The following C14orf132 variants were observed in gnomAD, a reference collection of about 807,000 sequenced individuals.
C14orf132 encodes the protein chromosome 14 open reading frame 132, also known as uncharacterized protein C14orf132.
In C14orf132, 6 loss-of-function variants were observed where a neutral mutation model predicts 5.8. The ratio of observed to expected loss-of-function variants is 1.03; its 90% CI spans 0.57 to 2.04. The LOEUF (loss-of-function observed/expected upper bound fraction) is 2.04, where lower values mean the gene tolerates loss of function less well. C14orf132 is among the 30% of genes most tolerant of loss of function. The pLI is 0.00. For synonymous variants in C14orf132, 51 were observed against 49.8 expected, an observed-to-expected ratio of 1.02 and a Z score of -0.10; for missense variants, 125 against 115.8, an observed-to-expected ratio of 1.08 and a Z score of -0.37.
chr14:96,066,231 G>A lies in C14orf132; in HGVS notation c.28-20280G>A, dbSNP rs901424416. On this transcript the variant is annotated intron_variant, in intron 1 of 1. Transcript: ENST00000555004. ...TCTCACCATGGACCATGGGATGCGC[G>A]TGGAGGACAAGGTCCCCAGGGCCCT... Among the ~76,000 whole-genome samples the A allele has an allele frequency of 1.1e-4, 17 of 152,284 alleles. 1 individual carries two copies. Among genetic ancestry groups the A allele is most frequent in the South Asian group, 6.2e-4 (3 of 4,824 alleles).
intron 1 of C14orf132, among the ~76,000 whole-genome samples, chr14:96,084,121 C>T (rs2139682761): frequency 6.6e-6 from 1 of 152,348 alleles, no homozygotes; most frequent in Non-Finnish European, 1.5e-5. Context: ...GCCCAGAGAG[C>T]TCCATAGGGT....
In C14orf132 at chr14:96,090,941, T is replaced by G; in HGVS notation, c.*4206T>G. 1 of 456,142 alleles carries G rather than the reference T, an allele frequency of 2.2e-6. No individual in the cohort carries two copies. The highest frequency in any genetic ancestry group is 4.4e-6 in the Non-Finnish European group (1 of 226,814). The allele number at this position is 456,142 out of a possible 1,614,324, so 28.3% of individuals were successfully genotyped here. A position where few individuals can be genotyped will look rare whatever the true frequency, so the allele number is the denominator to read the frequency against. On this transcript the variant is annotated 3_prime_UTR_variant, in exon 2 of 2. Transcript: ENST00000555004. ...TCTGCCTTCATTATTAGCAGTAATA[T>G]TATTCCCAGTTATTATTCTTACCGG... is the stretch of plus-strand genomic sequence containing the variant.
intron 1 of C14orf132, among the ~76,000 whole-genome samples, chr14:96,082,965 C>G (rs1336425179): frequency 1.3e-5 from 2 of 152,136 alleles, no homozygotes; most frequent in Non-Finnish European, 1.5e-5. Context: ...AGGATTCAGC[C>G]CCAAGCCTTT....
intron 1 of C14orf132, among the ~76,000 whole-genome samples, chr14:96,055,569 A>G (rs922492131): frequency 3.3e-5 from 5 of 152,184 alleles, no homozygotes; most frequent in African/African-American, 1.2e-4. Flanking sequence ...CCTGCATCTC[A>G]GCTTGGCCAC....
intron 1 of C14orf132, among the ~76,000 whole-genome samples, chr14:96,041,005 A>T (rs1886680798): frequency 6.6e-6 from 1 of 152,188 alleles, no homozygotes; most frequent in East Asian, 1.9e-4. Flanking sequence ...AGTTGCTGCC[A>T]TGGCAACTTG....
intron 1 of C14orf132, among the ~76,000 whole-genome samples, chr14:96,049,490 A>ATATATACGTATATATACG (rs1566823568): frequency 6.9e-6 from 1 of 145,452 alleles, no homozygotes; most frequent in Non-Finnish European, 1.5e-5. Flanking sequence ...ATATATGCAT[A>ATATATACGTATATATACG]TATATACGTA....
intron 1 of C14orf132, among the ~76,000 whole-genome samples, chr14:96,080,662 A>C (rs181220407): frequency 4.6e-5 from 7 of 152,300 alleles, no homozygotes; most frequent in African/African-American, 1.4e-4. Flanking sequence ...GGAGGCCTAA[A>C]GGCCACCCCA....
intron 1 of C14orf132, among the ~76,000 whole-genome samples, chr14:96,049,046 T>A (rs924390481): frequency 6.6e-6 from 1 of 151,902 alleles, no homozygotes. Flanking sequence ...TGCCTCGGCA[T>A]CCCGAGTAGC....
intron 1 of C14orf132, among the ~76,000 whole-genome samples, chr14:96,062,171 C>T (rs147925966): frequency 5.3e-5 from 8 of 152,212 alleles, no homozygotes; most frequent in Non-Finnish European, 1.2e-4. Flanking sequence ...TCCAGCAAGT[C>T]GCTCCATGGA....
intron 1 of C14orf132, among the ~76,000 whole-genome samples, chr14:96,064,764 C>T (rs1595179284): frequency 6.6e-6 from 1 of 152,084 alleles, no homozygotes; most frequent in East Asian, 1.9e-4. Context: ...CACAAATCAC[C>T]ACTAAAGAAC....
intron 1 of C14orf132, among the ~76,000 whole-genome samples, chr14:96,053,019 AGGGCTGAGG>A (rs1311545728): frequency 1.3e-5 from 2 of 152,138 alleles, no homozygotes; most frequent in African/African-American, 4.8e-5. Flanking sequence ...CGGTTTCTGC[AGGGCTGAGG>A]GGCTTTCAAG....
chr14:96,064,838 T>A (rs1285085675), intron 1 of C14orf132, among the ~76,000 whole-genome samples: 1 of 152,012 alleles, frequency 6.6e-6, no homozygotes, highest in Non-Finnish European at 1.5e-5. Flanking sequence ...ATTAAAAAAA[T>A]TAAAAAATAA....
chr14:96,040,241 A>G (rs1191721785), intron 1 of C14orf132: 6 of 393,668 alleles, frequency 1.5e-5, no homozygotes, highest in Non-Finnish European at 2.7e-5. Context: ...TTGGGTGATG[A>G]TTCTATTTCT....
chr14:96,091,087 G>A lies in C14orf132; in HGVS notation c.*4352G>A, dbSNP rs1026611465. Reference sequence around the variant, plus strand: ...GTTAATTACTGTCGCATTTTTCTGTGGAGAAAACTGAGGCCAGGGCTGAAC... The same window carrying A: ...GTTAATTACTGTCGCATTTTTCTGTAGAGAAAACTGAGGCCAGGGCTGAAC... On this transcript the variant is annotated 3_prime_UTR_variant, in exon 2 of 2. Transcript: ENST00000555004. The A allele has an allele frequency of 2.2e-6, 1 of 445,948 alleles. No individual in the cohort carries two copies. The highest frequency in any genetic ancestry group is 2.0e-5 in the African/African-American group (1 of 49,876). The allele number at this position is 445,948 out of a possible 1,614,324, so 27.6% of individuals were successfully genotyped here.
At chr14:96,062,036 C>T (rs1385544515) in intron 1 of C14orf132, among the ~76,000 whole-genome samples, 1 of 152,196 alleles carries the variant, frequency 6.6e-6, no homozygotes, top group Admixed American at 6.5e-5. Flanking sequence ...ACCACATTCC[C>T]CCTTAACGAG....
chr14:96,069,931 G>A (rs776332127), intron 1 of C14orf132, among the ~76,000 whole-genome samples: 7 of 152,178 alleles, frequency 4.6e-5, no homozygotes, highest in African/African-American at 1.7e-4. Context: ...TCAAACCTGT[G>A]CTCATTAGCA....
rs1420547423 is a variant in C14orf132 at position 96,092,980 on chromosome 14, G to T, written c.*6245G>T. The T allele has an allele frequency of 6.6e-6, 1 of 152,260 alleles. No individual in the cohort carries two copies. Among genetic ancestry groups the T allele is most frequent in the East Asian group, 1.9e-4 (1 of 5,204 alleles). 9.4% of individuals were successfully genotyped at this position (152,260 alleles called of 1,614,324 possible). On this transcript the variant is annotated 3_prime_UTR_variant, in exon 2 of 2. Coordinates refer to ENST00000555004, the MANE Select transcript of C14orf132 (RefSeq NM_001252507.3). ...ATTATCCAGCCCCAAAATGCCAATA[G>T]TGCCGAGGTCAGGGGACCCTGTGCT...
rs140763627 is a variant in C14orf132 at position 96,039,854 on chromosome 14, T to C, written c.27+327T>C. On this transcript the variant is annotated intron_variant, in intron 1 of 1. Transcript: ENST00000555004. The surrounding 1 kb of genome is among the most constrained non-coding windows in gnomAD (Gnocchi z 5.3). Reference sequence around the variant, plus strand: ...CCATCCCCCACTGCTGTCCCCCTTCTGGGGTCCCGGAGCCCTCCAAGGCCG... The same window carrying C: ...CCATCCCCCACTGCTGTCCCCCTTCCGGGGTCCCGGAGCCCTCCAAGGCCG... 3.9e-5 allele frequency among the ~76,000 whole-genome samples: 6 copies of C among 152,152 alleles called. No individual in the cohort carries two copies. In the East Asian group the frequency reaches 1.2e-3, roughly 30 times the overall value.
chr14:96,054,840 C>T (rs1887132270), intron 1 of C14orf132, among the ~76,000 whole-genome samples: 1 of 152,152 alleles, frequency 6.6e-6, no homozygotes, highest in South Asian at 2.1e-4. Context: ...CTATTACCTC[C>T]TTGGATCTAG....
Sources: allele counts gnomAD v4.1 joint callset (sites outside exome capture counted in the v4.1 genomes callset), GRCh38; gene constraint gnomAD v4.1.1; non-coding constraint Gnocchi (gnomAD v3.1); transcripts MANE v1.5; gene names NCBI Gene and HGNC (gene_info 2026-07-23, HGNC 2026-07-21).